Variants in DNAH5 observed in about 807,000 individuals in gnomAD.
The protein encoded by DNAH5 is dynein axonemal heavy chain 5.
Under a neutral mutation model 518.2 loss-of-function variants are expected in DNAH5, and 372 were observed. That is an observed-to-expected ratio of 0.72 (90% CI 0.66 to 0.78). The LOEUF (loss-of-function observed/expected upper bound fraction) is 0.78. DNAH5 is among the 30% of genes least tolerant of loss of function. The pLI is 0.00. For missense variants in DNAH5, 5,523 were observed against 5,687.0 expected (o/e 0.97, Z 0.93); for synonymous variants, 2,039 against 2,025.9 (o/e 1.01, Z -0.17).
intron 23 of DNAH5, among the ~76,000 whole-genome samples, chr5:13,871,347 CTTT>C (rs35952646): frequency 6.6e-6 from 1 of 151,848 alleles, no homozygotes; most frequent in Admixed American, 6.6e-5. Flanking sequence ...CTGACTTAGT[CTTT>C]TTTTCAAGGT....
At chr5:13,943,018 G>T (rs1779604945) in intron 1 of DNAH5, among the ~76,000 whole-genome samples, 1 of 152,074 alleles carries the variant, frequency 6.6e-6, no homozygotes, top group African/African-American at 2.4e-5. Flanking sequence ...TTATACTTCA[G>T]TGGAGTGAAC....
rs1372984696 is a variant in DNAH5 at position 13,825,891 on chromosome 5, G to GA, written c.6445-1559dup. Among the ~76,000 whole-genome samples the GA allele has an allele frequency of 4.6e-5, 7 of 152,192 alleles. No individual in the cohort carries two copies. The East Asian group carries it at 1.4e-3, about 29-fold the overall frequency. ...TTACCACAACAAAAAAAATGTATAG[G>GA]AAAAAACTACAGTCTTCTGCTAAGG... is the stretch of plus-strand genomic sequence containing the variant. On this transcript the variant is annotated intron_variant, in intron 38 of 78. Coordinates refer to ENST00000265104, the MANE Select transcript of DNAH5 (RefSeq NM_001369.3).
chr5:13,961,354 G>C (rs1185131407), intron 1 of DNAH5, among the ~76,000 whole-genome samples: 1 of 152,172 alleles, frequency 6.6e-6, no homozygotes, highest in African/African-American at 2.4e-5. Flanking sequence ...AGATGGAAAG[G>C]TAAAGCGAGC....
chr5:13,867,824 C>T lies in DNAH5; in HGVS notation c.4003G>A (p.Val1335Met), dbSNP rs201794224. 16 of 1,614,066 alleles carry T rather than the reference C, an allele frequency of 9.9e-6. No individual in the cohort carries two copies. The East Asian group carries it at 2.9e-4, about 29-fold the overall frequency. ...PSFKKELISA[V>M]EVFLQDCHQF... is the part of the protein sequence containing the mutation. ...TGACAATCTTGGAGGAATACCTCCA[C>T]AGCACTAATAAGCTCTTTCTTGAAA... Residue 1335 changes from valine (V) to methionine (M), a missense_variant, in exon 25 of 79, where the codon GTG (valine) becomes ATG (methionine). By Grantham distance (21) the Val-to-Met change is conservative. Transcript: ENST00000265104.
intron 75 of DNAH5, among the ~76,000 whole-genome samples, chr5:13,710,691 C>T (rs1164330748): frequency 6.6e-6 from 1 of 152,062 alleles, no homozygotes; most frequent in Non-Finnish European, 1.5e-5. Context: ...GATATTACAA[C>T]TGACACCACT....
At chr5:13,882,694 A>T (rs1214327428) in intron 21 of DNAH5, 34 bp downstream of exon 21, 1 of 1,510,746 alleles carries the variant, frequency 6.6e-7, no homozygotes, top group Non-Finnish European at 9.2e-7. Flanking sequence ...GTTGATTTAC[A>T]ATGCCTCTTT....
intron 1 of DNAH5, among the ~76,000 whole-genome samples, chr5:13,943,100 C>G (rs192048059): frequency 5.6e-4 from 85 of 152,244 alleles, no homozygotes; most frequent in African/African-American, 2.0e-3. Flanking sequence ...TAGTTCATGT[C>G]AAGGAAGAAT....
At chr5:13,693,657 A>C (rs7713226) in intron 78 of DNAH5, among the ~76,000 whole-genome samples, 70,417 of 152,090 alleles carry the variant, frequency 0.46, 17,238 homozygotes, top group Non-Finnish European at 0.54. Flanking sequence ...GGTCAGGGAT[A>C]ATGCTAACAT....
intron 15 of DNAH5, among the ~76,000 whole-genome samples, chr5:13,895,846 A>G (rs1773857300): frequency 6.6e-6 from 1 of 152,084 alleles, no homozygotes; most frequent in Non-Finnish European, 1.5e-5. Flanking sequence ...ACCTCTTCCC[A>G]GTGCATCCTC....
At chr5:13,934,474 A>G (rs1026311956) in intron 1 of DNAH5, among the ~76,000 whole-genome samples, 5 of 152,236 alleles carry the variant, frequency 3.3e-5, no homozygotes, top group African/African-American at 1.2e-4. Context: ...GAATAATTTC[A>G]TTGGTTGGAC....
intron 1 of DNAH5, among the ~76,000 whole-genome samples, chr5:13,969,319 T>C (rs1261646397): frequency 1.3e-5 from 2 of 152,196 alleles, no homozygotes; most frequent in Admixed American, 6.5e-5. Context: ...TTTCATTTAG[T>C]TCTGCTCTGA....
At chr5:13,753,839 A>C (rs577509377) in intron 62 of DNAH5, among the ~76,000 whole-genome samples, 1 of 152,294 alleles carries the variant, frequency 6.6e-6, no homozygotes, top group Admixed American at 6.5e-5. Flanking sequence ...ATAAAACCTC[A>C]TAAGACAGAG....
intron 3 of DNAH5, among the ~76,000 whole-genome samples, chr5:13,927,250 T>A (rs1777972156): frequency 6.6e-6 from 1 of 152,106 alleles, no homozygotes; most frequent in South Asian, 2.1e-4. Flanking sequence ...TCCCAGCACT[T>A]TGGGAGGCCG....
At chr5:13,847,141 C>T (rs572307382) in intron 31 of DNAH5, among the ~76,000 whole-genome samples, 13 of 152,226 alleles carry the variant, frequency 8.5e-5, no homozygotes, top group African/African-American at 2.4e-4. Flanking sequence ...ACCGCAACTC[C>T]GATTACGATC....
At chr5:13,816,101 T>A (rs1038773122) in intron 42 of DNAH5, among the ~76,000 whole-genome samples, 1 of 152,170 alleles carries the variant, frequency 6.6e-6, no homozygotes, top group African/African-American at 2.4e-5. Context: ...CTGTGCCGAA[T>A]GCTCCTCAGG....
rs1554027892 is a variant in DNAH5, at chr5:13,737,293, G to T, written c.11414C>A (p.Thr3805Lys). The change falls in exon 66 of 79, where the codon ACA becomes AAA. Residue 3805 changes from threonine to lysine, a missense_variant. Thr to Lys is a moderately conservative substitution (Grantham distance 78). Transcript: ENST00000265104. Reference protein sequence around the residue: ...VTQKLEISAETEVQINSAREE... With the variant: ...VTQKLEISAEKEVQINSAREE... ...CCGGGCTGAGTTAATTTGAACTTCT[G>T]TCTCAGCAGAAATTTCTAGCTTCTG... The T allele has an allele frequency of 1.9e-6, 3 of 1,613,858 alleles. No individual in the cohort carries two copies. The highest frequency in any genetic ancestry group is 2.5e-6 in the Non-Finnish European group (3 of 1,179,992).
chr5:13,756,323 G>C lies in DNAH5; in HGVS notation c.10420-1985C>G, dbSNP rs551790199. Among the ~76,000 whole-genome samples, 7 of 148,616 alleles carry C rather than the reference G, an allele frequency of 4.7e-5. No individual in the cohort carries two copies. The South Asian group carries it at 8.8e-4, about 19-fold the overall frequency. On this transcript the variant is annotated intron_variant, in intron 61 of 78. Transcript: ENST00000265104. ...GACTGAAGATCAAGTTCAGAAGTTG[G>C]TTGTAGGTATGCCCAGATTTTTTTT...
At chr5:13,711,545 GA>G (rs1381977520) in intron 75 of DNAH5, among the ~76,000 whole-genome samples, 2 of 152,132 alleles carry the variant, frequency 1.3e-5, no homozygotes, top group Admixed American at 1.3e-4. Flanking sequence ...AATAAATAAA[GA>G]GCATCCAAAT....
At chr5:13,940,541 A>G (rs1400711618) in intron 1 of DNAH5, among the ~76,000 whole-genome samples, 2 of 152,214 alleles carry the variant, frequency 1.3e-5, no homozygotes, top group Non-Finnish European at 2.9e-5. Flanking sequence ...GGAGAGCTGT[A>G]AAATACTGAT....
Sources: gnomAD v4.1 joint callset for allele counts (sites outside exome capture counted in the v4.1 genomes callset) on GRCh38, gnomAD v4.1.1 for gene constraint, MANE v1.5 for transcripts, NCBI Gene and HGNC (gene_info 2026-07-23, HGNC 2026-07-21) for gene names.